The following ECT2 variants were observed in gnomAD, a reference collection of about 807,000 sequenced individuals.
ECT2 encodes protein ECT2.
In ECT2, 61 loss-of-function variants were observed where a neutral mutation model predicts 116.9. That is an observed-to-expected ratio of 0.52 (90% CI 0.42 to 0.65). ECT2 has a LOEUF of 0.65. Ranked by LOEUF, ECT2 falls within the 30% of genes least tolerant of loss-of-function variation. ECT2 has a pLI of 0.00. For missense variants in ECT2, 937 were observed against 1,078.7 expected (o/e 0.87, Z 1.84); for synonymous variants, 358 against 346.4 (o/e 1.03, Z -0.37).
intron 14 of ECT2, among the ~76,000 whole-genome samples, chr3:172,776,432 C>G (rs899458324): frequency 6.6e-6 from 1 of 151,998 alleles, no homozygotes; most frequent in African/African-American, 2.4e-5. Flanking sequence ...CCAAAAATGT[C>G]TAAAATTTTG....
the ECT2 span, chr3:172,829,156 G>T: frequency 9.0e-6 from 5 of 556,542 alleles, no homozygotes; most frequent in Non-Finnish European, 1.3e-5. Context: ...AATGAACAGT[G>T]CCCCAGTGGT....
At chr3:172,796,851 G>A (rs1725738152) in intron 18 of ECT2, among the ~76,000 whole-genome samples, 1 of 151,834 alleles carries the variant, frequency 6.6e-6, no homozygotes, top group African/African-American at 2.4e-5. Context: ...TAGATATGAG[G>A]TTTCGCTATG....
chr3:172,751,833 G>A (rs1715907456), intron 1 of ECT2, among the ~76,000 whole-genome samples: 1 of 152,044 alleles, frequency 6.6e-6, no homozygotes, highest in Non-Finnish European at 1.5e-5. Flanking sequence ...AAAGGCTTCT[G>A]GAATACAGTA....
chr3:172,814,120 A>T (rs940215119), intron 22 of ECT2, among the ~76,000 whole-genome samples: 4 of 152,084 alleles, frequency 2.6e-5, no homozygotes, highest in Admixed American at 2.6e-4. Context: ...GATCAAGTGG[A>T]AAGAGAGGTT....
intron 11 of ECT2, 89 bp downstream of exon 11, chr3:172,763,061 T>C (rs1718652260): frequency 1.5e-6 from 2 of 1,367,096 alleles, no homozygotes; most frequent in East Asian, 2.3e-5. Flanking sequence ...GAAGCATGTT[T>C]AGGAATTTCA....
intron 14 of ECT2, among the ~76,000 whole-genome samples, chr3:172,780,302 A>ATAGCCAT (rs1722463910): frequency 1.3e-5 from 2 of 152,152 alleles, no homozygotes; most frequent in Non-Finnish European, 1.5e-5. Context: ...CTGGTCAAAT[A>ATAGCCAT]ATATTCCATT....
At chr3:172,817,614 G>A (rs1265590237) in intron 24 of ECT2, among the ~76,000 whole-genome samples, 3 of 152,028 alleles carry the variant, frequency 2.0e-5, no homozygotes, top group Non-Finnish European at 4.4e-5. Flanking sequence ...GTATATATAT[G>A]TATGTATATT....
rs1363847694 is a variant in ECT2 at position 172,751,781 on chromosome 3, G to A, written c.-23+924G>A. 2.0e-5 allele frequency among the ~76,000 whole-genome samples: 3 copies of A among 152,122 alleles called. No homozygotes were observed. In the East Asian group the frequency reaches 5.8e-4, roughly 29 times the overall value. On this transcript the variant is annotated intron_variant, in intron 1 of 24. Coordinates refer to ENST00000392692, the MANE Select transcript of ECT2 (RefSeq NM_001258315.2). ...CCTTGGGTCTGTTCTTGGGTGAGAA[G>A]CTGTGTAGGTTTATGAACACTGATC...
At chr3:172,792,173 C>T (rs957257199) in intron 18 of ECT2, among the ~76,000 whole-genome samples, 8 of 152,152 alleles carry the variant, frequency 5.3e-5, no homozygotes, top group Middle Eastern at 3.2e-3. Flanking sequence ...TCACTGATCA[C>T]AGCTCACCAT....
chr3:172,752,846 A>G (rs547490221), intron 1 of ECT2, among the ~76,000 whole-genome samples: 1 of 149,628 alleles, frequency 6.7e-6, no homozygotes, highest in African/African-American at 2.6e-5. Flanking sequence ...TTAACTGACT[A>G]TGTGCAGGGC....
At chr3:172,754,732 ATTTAAT>A in intron 2 of ECT2, 72 bp downstream of exon 2, 1 of 1,223,082 alleles carries the variant, frequency 8.2e-7, no homozygotes, top group Non-Finnish European at 1.1e-6. Flanking sequence ...CTTTCTTAAG[ATTTAAT>A]TTTAATACCA....
In ECT2 at chr3:172,760,206, C is replaced by T. The variant is rs777297599; in HGVS notation, c.627C>T (p.Asp209=). ...ACATGGGTGGAGTTATTCGAAAAGA[C>T]TTTAATTCAAAAGTTACACATTTGG... The part of the protein sequence containing the change: ...VHHMGGVIRK[D]FNSKVTHLVA... The change falls in exon 7 of 25, where the codon GAC becomes GAT. Residue 209 remains aspartate, a synonymous_variant. Transcript: ENST00000392692. 2.5e-6 allele frequency: 4 copies of T among 1,612,218 alleles called. No individual in the cohort carries two copies. The highest frequency in any genetic ancestry group is 1.7e-6 in the Non-Finnish European group (2 of 1,179,014).
intron 23 of ECT2, among the ~76,000 whole-genome samples, chr3:172,816,197 AAG>A (rs1269187905): frequency 2.6e-5 from 4 of 152,140 alleles, no homozygotes; most frequent in African/African-American, 9.7e-5. Flanking sequence ...TTAGTGTTCT[AAG>A]AGAGATTTAC....
In ECT2 at chr3:172,802,651, A is replaced by C; in HGVS notation, c.1943A>C (p.Gln648Pro). The C allele has an allele frequency of 1.2e-6, 2 of 1,603,160 alleles. No individual in the cohort carries two copies. Among genetic ancestry groups the C allele is most frequent in the Non-Finnish European group, 1.7e-6 (2 of 1,174,766 alleles). The change falls in exon 19 of 25, where the codon CAA becomes CCA. Residue 648 changes from glutamine to proline, a missense_variant. By Grantham distance (76) the Gln-to-Pro change is moderately conservative. Coordinates refer to ENST00000392692, the MANE Select transcript of ECT2 (RefSeq NM_001258315.2). ...INEDKRKTEA[Q>P]KQIFDVVYEV... ...GAGGATAAGAGAAAAACAGAAGCTCAAAAGCAAATTTTTGATGTTGTTTAT... is the reference window on the plus strand; with the variant it reads ...GAGGATAAGAGAAAAACAGAAGCTCCAAAGCAAATTTTTGATGTTGTTTAT...
chr3:172,795,323 CAAAAAAA>C (rs35674521), intron 18 of ECT2, among the ~76,000 whole-genome samples: 3 of 104,434 alleles, frequency 2.9e-5, no homozygotes, highest in East Asian at 3.3e-4. Flanking sequence ...GAGACGCTAT[CAAAAAAA>C]AAAAAAAAAA....
In ECT2 at chr3:172,762,820, G is replaced by T; in HGVS notation, c.1005+14G>T. 6.2e-7 allele frequency: 1 copy of T among 1,610,020 alleles called. No individual in the cohort carries two copies. The highest frequency in any genetic ancestry group is 1.1e-5 in the South Asian group (1 of 90,326). On this transcript the variant is annotated intron_variant, in intron 10 of 24. Transcript: ENST00000392692. ...GTCAAGCAAGAGGCAAGTAATTCTA[G>T]AATGAGGTTGGTTTTTAAAAACACT...
At position 172,811,484 on chromosome 3, in the gene ECT2, T is replaced by C. The variant is rs5010640; in HGVS notation, c.2400+3560T>C. Among the ~76,000 whole-genome samples, 1,110 of 152,288 alleles carry C rather than the reference T, an allele frequency of 7.3e-3. 14 individuals carry two copies. The highest frequency in any genetic ancestry group is 0.025 in the African/African-American group (1,037 of 41,568). On this transcript the variant is annotated intron_variant, in intron 22 of 24. Coordinates refer to ENST00000392692, the MANE Select transcript of ECT2 (RefSeq NM_001258315.2). ...AATCTTCTAGAAAGGTAAAAAATCT[T>C]GTATCTATCTTTCCCTCCCCTAAGT...
intron 22 of ECT2, among the ~76,000 whole-genome samples, chr3:172,813,643 A>C (rs568222431): frequency 6.6e-6 from 1 of 152,188 alleles, no homozygotes; most frequent in African/African-American, 2.4e-5. Context: ...GGCATTAAGT[A>C]TATTCATACT....
intron 18 of ECT2, among the ~76,000 whole-genome samples, chr3:172,802,403 G>A (rs1339268016): frequency 1.3e-5 from 2 of 152,078 alleles, no homozygotes; most frequent in Non-Finnish European, 2.9e-5. Flanking sequence ...GCAAGTCACC[G>A]CACCTGGCCG....
Sources: allele counts gnomAD v4.1 joint callset (sites outside exome capture counted in the v4.1 genomes callset), GRCh38; gene constraint gnomAD v4.1.1; transcripts MANE v1.5; gene names NCBI Gene and HGNC (gene_info 2026-07-23, HGNC 2026-07-21).